FEM1B: variants seen among roughly 807,000 people sequenced by gnomAD.
FEM1B encodes fem-1 homolog B.
In FEM1B, 10 loss-of-function variants were observed where a neutral mutation model predicts 38.6. The observed-to-expected ratio is 0.26, with a 90% CI of 0.16 to 0.44. FEM1B has a LOEUF of 0.44. Ranked by LOEUF, FEM1B falls within the 20% of genes least tolerant of loss-of-function variation. The pLI, the probability that FEM1B is intolerant of heterozygous loss-of-function variation, is 1.00. For missense variants in FEM1B, 471 were observed against 786.7 expected (o/e 0.60, Z 4.80); for synonymous variants, 288 against 288.0 (o/e 1.00, Z 0.00).
chr15:68,278,131 A>T lies in FEM1B; in HGVS notation c.-287A>T. On this transcript the variant is annotated 5_prime_UTR_variant, in exon 1 of 2. The change abolishes an upstream ATG in the 5' untranslated region. Coordinates refer to ENST00000306917, the MANE Select transcript of FEM1B (RefSeq NM_015322.5). The surrounding 1 kb of genome is among the most constrained non-coding windows in gnomAD (Gnocchi z 5.7). ...CCTGAGGCCCGGGGCGGCGTCCGCC[A>T]TGGAGATCCCCTCGGTCCAGGGCCG... The T allele has an allele frequency of 3.0e-6, 1 of 334,144 alleles. No individual in the cohort carries two copies. Among genetic ancestry groups the T allele is most frequent in the East Asian group, 6.6e-5 (1 of 15,076 alleles). 20.7% of individuals were successfully genotyped at this position (334,144 alleles called of 1,614,324 possible). A position where few individuals can be genotyped will look rare whatever the true frequency, so the allele number is the denominator to read the frequency against.
rs1356896810 is a variant in FEM1B, at chr15:68,289,540, TACATCCCTTAA to T, written c.249-62_249-52del. On this transcript the variant is annotated intron_variant, in intron 1 of 1. Coordinates refer to ENST00000306917, the MANE Select transcript of FEM1B (RefSeq NM_015322.5). This position sits in a 1 kb window ranked among gnomAD's most constrained non-coding sequence, Gnocchi z 6.9. Reference sequence around the variant, plus strand: ...TGAGGTCTTGGTCGGTGGGAGTGAATACATCCCTTAAACATATGTTAGGCTGTGGCCTCTGT... The same window carrying T: ...TGAGGTCTTGGTCGGTGGGAGTGAATACATATGTTAGGCTGTGGCCTCTGT... 14 of 1,160,788 alleles carry T rather than the reference TACATCCCTTAA, an allele frequency of 1.2e-5. No individual in the cohort carries two copies. The Admixed American group carries it at 2.7e-4, about 22-fold the overall frequency. 71.9% of individuals were successfully genotyped at this position (1,160,788 alleles called of 1,614,324 possible). A position where few individuals can be genotyped will look rare whatever the true frequency, so the allele number is the denominator to read the frequency against.
At chr15:68,282,415 G>T (rs1433177072) in intron 1 of FEM1B, among the ~76,000 whole-genome samples, 2 of 152,172 alleles carry the variant, frequency 1.3e-5, no homozygotes, top group East Asian at 1.9e-4. Flanking sequence ...TGATTTTTAA[G>T]GACTTTGGTT....
chr15:68,286,783 T>C (rs1184908778), intron 1 of FEM1B, among the ~76,000 whole-genome samples: 1 of 138,124 alleles, frequency 7.2e-6, no homozygotes, highest in East Asian at 1.9e-4. Flanking sequence ...TACATAATCA[T>C]GACAATAAAA....
At chr15:68,285,256 C>T (rs1892773340) in intron 1 of FEM1B, among the ~76,000 whole-genome samples, 1 of 150,120 alleles carries the variant, frequency 6.7e-6, no homozygotes, top group Non-Finnish European at 1.5e-5. Context: ...TACAGTTTAT[C>T]CATTTCCTAT....
In FEM1B at chr15:68,292,620, G is replaced by A. The variant is rs948581045; in HGVS notation, c.*1378G>A. On this transcript the variant is annotated 3_prime_UTR_variant, in exon 2 of 2. Coordinates refer to ENST00000306917, the MANE Select transcript of FEM1B (RefSeq NM_015322.5). The stretch of plus-strand genomic sequence containing the variant: ...TTAGCTACTCATAGTGCATGGTACT[G>A]TAAGTGAAGACCTGTAGCTTTTTTT... 1 of 150,718 alleles carries A rather than the reference G, an allele frequency of 6.6e-6. No homozygotes were observed. The highest frequency in any genetic ancestry group is 1.5e-5 in the Non-Finnish European group (1 of 67,814). 9.3% of individuals were successfully genotyped at this position (150,718 alleles called of 1,614,324 possible). A position where few individuals can be genotyped will look rare whatever the true frequency, so the allele number is the denominator to read the frequency against.
chr15:68,284,760 C>G lies in FEM1B; in HGVS notation c.249-4847C>G, dbSNP rs574903632. Among the ~76,000 whole-genome samples the G allele has an allele frequency of 4.5e-4, 69 of 152,228 alleles. 2 individuals are homozygous for G. The South Asian group carries it at 0.014, about 31-fold the overall frequency. ...CCCACCCAAATCTTATCTTGAATTC[C>G]CACGTGTTGTGGGAGGGACCTGGTG... On this transcript the variant is annotated intron_variant, in intron 1 of 1. Coordinates refer to ENST00000306917, the MANE Select transcript of FEM1B (RefSeq NM_015322.5). The surrounding 1 kb of genome is among the most constrained non-coding windows in gnomAD (Gnocchi z 4.4).
chr15:68,289,144 T>G lies in FEM1B; in HGVS notation c.249-463T>G, dbSNP rs150382848. On this transcript the variant is annotated intron_variant, in intron 1 of 1. Transcript: ENST00000306917. The surrounding 1 kb of genome is among the most constrained non-coding windows in gnomAD (Gnocchi z 6.9). Reference sequence around the variant, plus strand: ...ACTTACCTGCTTTATTTTTTTCTTCTTAAAGCAGTGTCTAACACAGCTTTA... The same window carrying G: ...ACTTACCTGCTTTATTTTTTTCTTCGTAAAGCAGTGTCTAACACAGCTTTA... The G allele has an allele frequency of 8.2e-3, 1,342 of 163,406 alleles. 17 individuals carry two copies. The highest frequency in any genetic ancestry group is 0.03 in the African/African-American group (1,268 of 41,618). 10.1% of individuals were successfully genotyped at this position (163,406 alleles called of 1,614,324 possible).
In FEM1B at chr15:68,281,142, T is replaced by C. The variant is rs372786121; in HGVS notation, c.248+2477T>C. On this transcript the variant is annotated intron_variant, in intron 1 of 1. Transcript: ENST00000306917. The surrounding 1 kb of genome is among the most constrained non-coding windows in gnomAD (Gnocchi z 5.1). ...TTCAGACATTGTGAAAATGTTAGCC[T>C]GAGTACATTAACAATAGAAAGCTGA... Among the ~76,000 whole-genome samples, 36 of 152,342 alleles carry C rather than the reference T, an allele frequency of 2.4e-4. 1 individual carries two copies. The South Asian group carries it at 7.2e-3, about 31-fold the overall frequency.
chr15:68,284,958 C>T lies in FEM1B; in HGVS notation c.249-4649C>T, dbSNP rs1892770037. Among the ~76,000 whole-genome samples, 1 of 152,220 alleles carries T rather than the reference C, an allele frequency of 6.6e-6. No individual in the cohort carries two copies. Among genetic ancestry groups the T allele is most frequent in the Non-Finnish European group, 1.5e-5 (1 of 68,042 alleles). On this transcript the variant is annotated intron_variant, in intron 1 of 1. Coordinates refer to ENST00000306917, the MANE Select transcript of FEM1B (RefSeq NM_015322.5). This position sits in a 1 kb window ranked among gnomAD's most constrained non-coding sequence, Gnocchi z 4.4. Reference sequence around the variant, plus strand: ...TTGCCTTCTGCCATGATTGTGAAGCCTCCCCACCCATGTGGAACTGTAAGT... The same window carrying T: ...TTGCCTTCTGCCATGATTGTGAAGCTTCCCCACCCATGTGGAACTGTAAGT...
rs1365159819 is a variant in FEM1B at position 68,291,911 on chromosome 15, T to C, written c.*669T>C. On this transcript the variant is annotated 3_prime_UTR_variant, in exon 2 of 2. Coordinates refer to ENST00000306917, the MANE Select transcript of FEM1B (RefSeq NM_015322.5). The surrounding 1 kb of genome is among the most constrained non-coding windows in gnomAD (Gnocchi z 6.9). ...AGTATATACAAAATGGTTATCATCT[T>C]AAACCAACTTTTCAGAGAATCTTGA... 1 of 152,242 alleles carries C rather than the reference T, an allele frequency of 6.6e-6. No homozygotes were observed. The highest frequency in any genetic ancestry group is 1.5e-5 in the Non-Finnish European group (1 of 68,028). 9.4% of individuals were successfully genotyped at this position (152,242 alleles called of 1,614,324 possible).
At position 68,289,370 on chromosome 15, in the gene FEM1B, T is replaced by A. The variant is rs1001707957; in HGVS notation, c.249-237T>A. ...AGTTCGTGATTTTTCAGGTTTGTTT[T>A]TTAGGGTTATATACTCTAGTAGTAA... On this transcript the variant is annotated intron_variant, in intron 1 of 1. Transcript: ENST00000306917. This position sits in a 1 kb window ranked among gnomAD's most constrained non-coding sequence, Gnocchi z 6.9. 8.8e-5 allele frequency: 38 copies of A among 434,188 alleles called. No individual in the cohort carries two copies. The highest frequency in any genetic ancestry group is 1.4e-4 in the Non-Finnish European group (33 of 244,034). 26.9% of individuals were successfully genotyped at this position (434,188 alleles called of 1,614,324 possible). A position where few individuals can be genotyped will look rare whatever the true frequency, so the allele number is the denominator to read the frequency against.
Position 68,291,318 on chromosome 15 carries a change from T to G in FEM1B, c.*76T>G. On this transcript the variant is annotated 3_prime_UTR_variant, in exon 2 of 2. Transcript: ENST00000306917. This position sits in a 1 kb window ranked among gnomAD's most constrained non-coding sequence, Gnocchi z 6.9. ...TTTAATCACAGACAGTAGAATTATG[T>G]GTTCATAAATTCTGCTTTTCTTTCC... The G allele has an allele frequency of 8.8e-7, 1 of 1,135,094 alleles. No individual in the cohort carries two copies. The highest frequency in any genetic ancestry group is 1.6e-5 in the South Asian group (1 of 63,432). The allele number at this position is 1,135,094 out of a possible 1,614,324, so 70.3% of individuals were successfully genotyped here.
Position 68,278,496 on chromosome 15 carries a change from C to A in FEM1B, c.79C>A (p.Arg27=). The A allele has an allele frequency of 6.2e-7, 1 of 1,613,958 alleles. No homozygotes were observed. Among genetic ancestry groups the A allele is most frequent in the Non-Finnish European group, 8.5e-7 (1 of 1,180,022 alleles). ...GACTCTGGCCGCCTTGCTTCTCAACCGGTCTGAAAGCGACATCCGCTATCT... is the reference window on the plus strand; with the variant it reads ...GACTCTGGCCGCCTTGCTTCTCAACAGGTCTGAAAGCGACATCCGCTATCT... The part of the protein sequence containing the change: ...VLTLAALLLN[R]SESDIRYLLG... The change falls in exon 1 of 2, where the codon CGG becomes AGG. Residue 27 remains arginine, a synonymous_variant. Coordinates refer to ENST00000306917, the MANE Select transcript of FEM1B (RefSeq NM_015322.5). This position sits in a 1 kb window ranked among gnomAD's most constrained non-coding sequence, Gnocchi z 5.7.
chr15:68,293,893 A>G lies in FEM1B; in HGVS notation c.*2651A>G, dbSNP rs1892874978. 6.6e-6 allele frequency: 1 copy of G among 152,152 alleles called. No individual in the cohort carries two copies. Among genetic ancestry groups the G allele is most frequent in the Admixed American group, 6.5e-5 (1 of 15,276 alleles). 9.4% of individuals were successfully genotyped at this position (152,152 alleles called of 1,614,324 possible). A position where few individuals can be genotyped will look rare whatever the true frequency, so the allele number is the denominator to read the frequency against. ...TCTAGGCTGTCTCCATTTTGCAGCC[A>G]CTTTGGTCATTTGATGTTTACTATT... On this transcript the variant is annotated 3_prime_UTR_variant, in exon 2 of 2. Coordinates refer to ENST00000306917, the MANE Select transcript of FEM1B (RefSeq NM_015322.5). The surrounding 1 kb of genome is among the most constrained non-coding windows in gnomAD (Gnocchi z 5.8).
Position 68,293,438 on chromosome 15 carries a change from G to T in FEM1B, c.*2196G>T, listed in dbSNP as rs1892868194. 1 of 152,112 alleles carries T rather than the reference G, an allele frequency of 6.6e-6. No homozygotes were observed. Among genetic ancestry groups the T allele is most frequent in the African/African-American group, 2.4e-5 (1 of 41,410 alleles). 9.4% of individuals were successfully genotyped at this position (152,112 alleles called of 1,614,324 possible). A position where few individuals can be genotyped will look rare whatever the true frequency, so the allele number is the denominator to read the frequency against. ...TGCTTATTTATAAAATGAGAATAAT[G>T]ATTATATGTACATATTCAGACATCA... On this transcript the variant is annotated 3_prime_UTR_variant, in exon 2 of 2. Coordinates refer to ENST00000306917, the MANE Select transcript of FEM1B (RefSeq NM_015322.5). This position sits in a 1 kb window ranked among gnomAD's most constrained non-coding sequence, Gnocchi z 5.8.
rs1197381770 is a variant in FEM1B at position 68,288,524 on chromosome 15, G to A, written c.249-1083G>A. ...TAGTGGTAAGAAATTTAGAAATTAA[G>A]GTTGGGGAAAAATTGACAGTAGAAA... On this transcript the variant is annotated intron_variant, in intron 1 of 1. Transcript: ENST00000306917. The surrounding 1 kb of genome is among the most constrained non-coding windows in gnomAD (Gnocchi z 4.6). Among the ~76,000 whole-genome samples, 3 of 152,174 alleles carry A rather than the reference G, an allele frequency of 2.0e-5. No individual in the cohort carries two copies. The highest frequency in any genetic ancestry group is 7.2e-5 in the African/African-American group (3 of 41,440).
At chr15:68,283,392 A>G (rs1046021498) in intron 1 of FEM1B, among the ~76,000 whole-genome samples, 40 of 150,724 alleles carry the variant, frequency 2.7e-4, no homozygotes, top group Non-Finnish European at 1.6e-4. Context: ...GGCCAGTTGC[A>G]GTGGCTCACA....
rs375373890 is a variant in FEM1B at position 68,278,413 on chromosome 15, C to A, written c.-5C>A. ...ACCAAACGGGTGTTGGAGTTGGCGGCGGCCATGGAGGGCCTGGCTGGCTAT... is the reference window on the plus strand; with the variant it reads ...ACCAAACGGGTGTTGGAGTTGGCGGAGGCCATGGAGGGCCTGGCTGGCTAT... On this transcript the variant is annotated 5_prime_UTR_variant, in exon 1 of 2. Coordinates refer to ENST00000306917, the MANE Select transcript of FEM1B (RefSeq NM_015322.5). This position sits in a 1 kb window ranked among gnomAD's most constrained non-coding sequence, Gnocchi z 5.7. The A allele has an allele frequency of 2.5e-4, 405 of 1,607,644 alleles. No individual in the cohort carries two copies. Among genetic ancestry groups the A allele is most frequent in the Non-Finnish European group, 3.2e-4 (382 of 1,177,198 alleles).
Position 68,289,077 on chromosome 15 carries a change from A to G in FEM1B, c.249-530A>G, listed in dbSNP as rs1005046418. Among the ~76,000 whole-genome samples, 5 of 152,198 alleles carry G rather than the reference A, an allele frequency of 3.3e-5. No homozygotes were observed. Among genetic ancestry groups the G allele is most frequent in the Admixed American group, 1.3e-4 (2 of 15,282 alleles). ...TTGTGTGTGGAGCAGTAATTATTTCATTCTCATTGCTGTAGTATAGTACTC... is the reference window on the plus strand; with the variant it reads ...TTGTGTGTGGAGCAGTAATTATTTCGTTCTCATTGCTGTAGTATAGTACTC... On this transcript the variant is annotated intron_variant, in intron 1 of 1. Transcript: ENST00000306917. The surrounding 1 kb of genome is among the most constrained non-coding windows in gnomAD (Gnocchi z 6.9).
Sources: gnomAD v4.1 joint callset for allele counts (sites outside exome capture counted in the v4.1 genomes callset) on GRCh38, gnomAD v4.1.1 for gene constraint, Gnocchi (gnomAD v3.1) non-coding constraint, MANE v1.5 for transcripts, NCBI Gene and HGNC (gene_info 2026-07-23, HGNC 2026-07-21) for gene names.